Variants in ZNF638 observed in about 807,000 individuals in gnomAD.
ZNF638 encodes CTCL tumor antigen se33-1.
A neutral mutation model predicts 195.6 loss-of-function variants in ZNF638; 46 were observed. That is an observed-to-expected ratio of 0.24 (90% CI 0.19 to 0.30). ZNF638 has a LOEUF of 0.30. Among genes scored for constraint, ZNF638 ranks in the 10% least tolerant of loss-of-function variants. ZNF638 has a pLI of 1.00. For missense variants in ZNF638, 2,440 were observed against 2,325.3 expected, an observed-to-expected ratio of 1.05 and a Z score of -1.01; for synonymous variants, 845 against 772.0, an observed-to-expected ratio of 1.09 and a Z score of -1.57.
At position 71,359,398 on chromosome 2, in the gene ZNF638, G is replaced by A. The variant is rs187340915; in HGVS notation, c.1379+3618G>A. ...AGAACAAGGAGGAGAAGGGCATCCC[G>A]CTCTGAGGGAAGGAGGGGTGGAGAG... On this transcript the variant is annotated intron_variant, in intron 3 of 27. Transcript: ENST00000264447. Among the ~76,000 whole-genome samples, 30 of 152,298 alleles carry A rather than the reference G, an allele frequency of 2.0e-4. 1 individual carries two copies. In the East Asian group the frequency reaches 4.2e-3, roughly 22 times the overall value.
At chr2:71,375,518 A>G (rs1359478129) in intron 8 of ZNF638, 1 of 152,168 alleles carries the variant, frequency 6.6e-6, no homozygotes, top group Non-Finnish European at 1.5e-5. Context: ...TCTTTTCTGG[A>G]AAGAGTGAGT....
intron 20 of ZNF638, among the ~76,000 whole-genome samples, chr2:71,409,046 T>C (rs1042411066): frequency 3.3e-5 from 5 of 152,150 alleles, no homozygotes; most frequent in Admixed American, 6.5e-5. Context: ...CAAGCTGTTA[T>C]TCAGTTGTGT....
rs749318412 is a variant in ZNF638, at chr2:71,422,963, A to G, written c.3449A>G (p.Glu1150Gly). The G allele has an allele frequency of 1.9e-6, 3 of 1,614,014 alleles. No individual in the cohort carries two copies. Among genetic ancestry groups the G allele is most frequent in the Non-Finnish European group, 2.5e-6 (3 of 1,179,994 alleles). The change falls in exon 22 of 28, where the codon GAA (glutamate) becomes GGA (glycine). Residue 1150 changes from glutamate (E) to glycine (G), a missense_variant. Physicochemically the swap from Glu to Gly is moderately conservative, Grantham distance 98. Around this residue, in one of 5 missense-constraint regions of ZNF638, gnomAD observed 1,883 missense variants for 1,739.1 expected, o/e 1.08. Transcript: ENST00000264447. The part of the protein sequence containing the change: ...LVQQEEPCEE[E>G]AEKATCDSDF... The stretch of plus-strand genomic sequence containing the variant: ...CAGCAGGAAGAGCCTTGTGAGGAAG[A>G]AGCTGAAAAAGCAACATGTGATTCT...
At chr2:71,332,224 C>A (rs1277326849) in intron 1 of ZNF638, among the ~76,000 whole-genome samples, 2 of 152,234 alleles carry the variant, frequency 1.3e-5, no homozygotes, top group African/African-American at 4.8e-5. Flanking sequence ...GCGGCCCCTT[C>A]CCCAGCAGCG....
At chr2:71,397,945 T>C (rs544164116) in intron 11 of ZNF638, among the ~76,000 whole-genome samples, 1 of 152,350 alleles carries the variant, frequency 6.6e-6, no homozygotes, top group African/African-American at 2.4e-5. Context: ...GACTATGATA[T>C]AAGTATTCTT....
chr2:71,393,663 T>G (rs1486359299), intron 10 of ZNF638: 1 of 716,258 alleles, frequency 1.4e-6, no homozygotes, highest in African/African-American at 1.7e-5. Flanking sequence ...ACAACTCACG[T>G]AGGATCCTTT....
intron 3 of ZNF638, among the ~76,000 whole-genome samples, chr2:71,356,515 G>T (rs2079025276): frequency 6.6e-6 from 1 of 152,154 alleles, no homozygotes; most frequent in South Asian, 2.1e-4. Context: ...TTGCAGATTA[G>T]TTGCTGGCTC....
chr2:71,346,692 A>G (rs767758326), intron 1 of ZNF638, among the ~76,000 whole-genome samples: 4 of 152,184 alleles, frequency 2.6e-5, no homozygotes, highest in African/African-American at 4.8e-5. Context: ...GTGCAAAAAC[A>G]TAAGATAGTA....
chr2:71,397,382 G>T (rs1019403692), intron 11 of ZNF638, among the ~76,000 whole-genome samples: 2 of 152,180 alleles, frequency 1.3e-5, no homozygotes, highest in African/African-American at 4.8e-5. Flanking sequence ...GACAAGTTAC[G>T]TGACAAGCTA....
At position 71,426,706 on chromosome 2, in the gene ZNF638, C is replaced by T; in HGVS notation, c.4837C>T (p.His1613Tyr). 1 of 1,614,182 alleles carries T rather than the reference C, an allele frequency of 6.2e-7. No homozygotes were observed. Among genetic ancestry groups the T allele is most frequent in the South Asian group, 1.1e-5 (1 of 91,082 alleles). Residue 1613 changes from histidine (H) to tyrosine (Y), a missense_variant, in exon 24 of 28, where the codon CAT becomes TAT. His to Tyr is a moderately conservative substitution (Grantham distance 83). Around this residue, in one of 5 missense-constraint regions of ZNF638, gnomAD observed 1,883 missense variants for 1,739.1 expected, o/e 1.08. Transcript: ENST00000264447. ...EIGEEEDAAAHLAQALVTVDE... is the reference protein window; with the variant it reads ...EIGEEEDAAAYLAQALVTVDE... Reference sequence around the variant, plus strand: ...TGGGGAAGAGGAAGATGCAGCTGCACATCTAGCACAAGCTCTAGTCACTGT... The same window carrying T: ...TGGGGAAGAGGAAGATGCAGCTGCATATCTAGCACAAGCTCTAGTCACTGT...
intron 10 of ZNF638, chr2:71,395,681 C>T (rs761849074): frequency 3.9e-5 from 19 of 481,950 alleles, no homozygotes; most frequent in Admixed American, 3.1e-4. Context: ...ACAAGCGGCT[C>T]CAGCTTATCA....
chr2:71,422,176 T>C (rs999034271), intron 21 of ZNF638, among the ~76,000 whole-genome samples: 1 of 152,166 alleles, frequency 6.6e-6, no homozygotes, highest in African/African-American at 2.4e-5. Flanking sequence ...GGTGATTATA[T>C]CAGGTTTTGT....
rs1033405516 is a variant in ZNF638, at chr2:71,429,770, A to G, written c.5650+1119A>G. Among the ~76,000 whole-genome samples, 3 of 152,206 alleles carry G rather than the reference A, an allele frequency of 2.0e-5. No individual in the cohort carries two copies. The South Asian group carries it at 6.2e-4, about 31-fold the overall frequency. ...AGGTTGTTGTCAAACGTGATTTTTT[A>G]AAGTGTTTTCTTCTTAAGTTAGTCT... On this transcript the variant is annotated intron_variant, in intron 25 of 27. Coordinates refer to ENST00000264447, the MANE Select transcript of ZNF638 (RefSeq NM_014497.5).
At chr2:71,383,514 CTAA>C (rs2104363431) in intron 10 of ZNF638, among the ~76,000 whole-genome samples, 1 of 149,468 alleles carries the variant, frequency 6.7e-6, no homozygotes, top group South Asian at 2.1e-4. Flanking sequence ...TCTAGTTTTC[CTAA>C]TAATCTTTTC....
chr2:71,407,199 A>C (rs1462805300), intron 19 of ZNF638: 1 of 152,180 alleles, frequency 6.6e-6, no homozygotes, highest in African/African-American at 2.4e-5. Flanking sequence ...AAAAGCACTT[A>C]ATTAACCAAC....
chr2:71,427,512 C>T, intron 24 of ZNF638, 98 bp downstream of exon 24: 1 of 897,240 alleles, frequency 1.1e-6, no homozygotes, highest in South Asian at 2.2e-5. Flanking sequence ...TAATGTCACC[C>T]AGTATTGATA....
At chr2:71,333,152 T>A (rs546765022) in intron 1 of ZNF638, 1 of 152,206 alleles carries the variant, frequency 6.6e-6, no homozygotes, top group Admixed American at 6.5e-5. Context: ...TTGTTAATGA[T>A]TAGACATTTG....
At chr2:71,375,157 C>T (rs547544184) in intron 8 of ZNF638, 1 of 152,278 alleles carries the variant, frequency 6.6e-6, no homozygotes, top group South Asian at 2.1e-4. Flanking sequence ...ACATGCCATC[C>T]ATTTATTCCC....
intron 1 of ZNF638, 60 bp downstream of exon 1, chr2:71,331,935 G>A (rs1010451054): frequency 2.0e-6 from 2 of 985,746 alleles, no homozygotes; most frequent in East Asian, 2.3e-4. Context: ...TATCGTGGGG[G>A]TCCTGAGCCC....
Sources: allele counts gnomAD v4.1 joint callset (sites outside exome capture counted in the v4.1 genomes callset), GRCh38; gene constraint gnomAD v4.1.1; regional missense constraint gnomAD v4.1.1; transcripts MANE v1.5; gene names NCBI Gene and HGNC (gene_info 2026-07-23, HGNC 2026-07-21).